The following FMN2 variants were observed in gnomAD, a reference collection of about 807,000 sequenced individuals.
FMN2 encodes the protein formin-2.
FMN2 carries 51 observed loss-of-function variants against 142.3 expected under a neutral mutation model. The ratio of observed to expected loss-of-function variants is 0.36; its 90% confidence interval spans 0.29 to 0.45. The LOEUF (loss-of-function observed/expected upper bound fraction) is 0.45. FMN2 is among the 20% of genes least tolerant of loss of function. The pLI, the probability that FMN2 is intolerant of heterozygous loss-of-function variation, is 1.00. For synonymous variants in FMN2, 882 were observed against 869.8 expected, an observed-to-expected ratio of 1.01 and a Z score of -0.25; for missense variants, 1,936 against 2,122.8, an observed-to-expected ratio of 0.91 and a Z score of 1.73.
chr1:240,416,758 T>C (rs953104193), intron 15 of FMN2, among the ~76,000 whole-genome samples: 13 of 94,038 alleles, frequency 1.4e-4, no homozygotes, highest in African/African-American at 4.3e-4. Flanking sequence ...ATCTCTCTCT[T>C]CTTTTTTTTT....
At chr1:240,257,867 T>G in intron 6 of FMN2, 78 bp from the exon 7 acceptor site, 1 of 1,177,532 alleles carries the variant, frequency 8.5e-7, no homozygotes, top group Non-Finnish European at 1.3e-6. Context: ...TGTTCTTCAT[T>G]TAGGATTTTT....
chr1:240,472,799 G>T (rs1676853861), intron 17 of FMN2, among the ~76,000 whole-genome samples: 1 of 151,964 alleles, frequency 6.6e-6, no homozygotes, highest in Non-Finnish European at 1.5e-5. Context: ...CAAACAATTA[G>T]CCGGGCATGG....
chr1:240,231,063 A>G (rs1667511404), intron 6 of FMN2, among the ~76,000 whole-genome samples: 1 of 131,912 alleles, frequency 7.6e-6, no homozygotes, highest in Non-Finnish European at 1.6e-5. Context: ...GTGATGCCAG[A>G]CTGACTTGGC....
chr1:240,112,549 C>T (rs1661854256), intron 1 of FMN2, among the ~76,000 whole-genome samples: 1 of 152,134 alleles, frequency 6.6e-6, no homozygotes, highest in Non-Finnish European at 1.5e-5. Context: ...AGAAAGAGCC[C>T]AAGAAACTTT....
At chr1:240,221,912 A>G (rs1667131192) in intron 6 of FMN2, among the ~76,000 whole-genome samples, 1 of 147,602 alleles carries the variant, frequency 6.8e-6, no homozygotes, top group African/African-American at 2.5e-5. Context: ...CAGTGGCGCA[A>G]TCTCAGCTCA....
chr1:240,257,850 C>G, intron 6 of FMN2, 95 bp from the exon 7 acceptor site: 1 of 1,017,954 alleles, frequency 9.8e-7, no homozygotes, highest in African/African-American at 1.6e-5. Context: ...GATCTTTTCT[C>G]TGAATTTGTT....
intron 1 of FMN2, among the ~76,000 whole-genome samples, chr1:240,100,024 T>C (rs990017517): frequency 6.6e-6 from 1 of 152,174 alleles, no homozygotes; most frequent in Non-Finnish European, 1.5e-5. Flanking sequence ...CATTCACCAT[T>C]TTTGGCAGTG....
rs186855573 is a variant in FMN2 at position 240,431,567 on chromosome 1, A to G, written c.4911-6494A>G. 2.0e-4 allele frequency among the ~76,000 whole-genome samples: 30 copies of G among 151,542 alleles called. No homozygotes were observed. The East Asian group carries it at 4.2e-3, about 21-fold the overall frequency. The stretch of plus-strand genomic sequence containing the variant: ...TTTATTTCTGAACTAAAAAGAAAAT[A>G]TCAAATACCATTGCGTATGTTAACT... On this transcript the variant is annotated intron_variant, in intron 15 of 17. Transcript: ENST00000319653.
chr1:240,471,365 CTTT>C (rs201223518), intron 16 of FMN2, among the ~76,000 whole-genome samples: 1 of 143,208 alleles, frequency 7.0e-6, no homozygotes. Flanking sequence ...TGTAAATTTT[CTTT>C]TTTTTTTTTT....
intron 1 of FMN2, among the ~76,000 whole-genome samples, chr1:240,102,885 G>T (rs1402601092): frequency 6.9e-6 from 1 of 145,548 alleles, no homozygotes; most frequent in African/African-American, 2.5e-5. Flanking sequence ...TTTTTTTTGA[G>T]ACAGGGTCTC....
chr1:240,168,697 T>C (rs1664580661), intron 2 of FMN2, among the ~76,000 whole-genome samples: 1 of 151,986 alleles, frequency 6.6e-6, no homozygotes, highest in Admixed American at 6.6e-5. Context: ...AAAAAAGATA[T>C]AGTAAGAAAA....
chr1:240,298,881 C>G (rs888296379), intron 8 of FMN2, among the ~76,000 whole-genome samples: 5 of 152,098 alleles, frequency 3.3e-5, no homozygotes, highest in Admixed American at 6.5e-5. Context: ...GAATTTTCCA[C>G]TTTTTGCTTT....
chr1:240,330,590 T>C lies in FMN2; in HGVS notation c.4438-13T>C, dbSNP rs1466205535. ...AGATAAAAGTTGTTTTTTGTTGTTA[T>C]TCTGTTTTACAGACATTAAAAAATG... is the stretch of plus-strand genomic sequence containing the variant. On this transcript the variant is annotated splice_polypyrimidine_tract_variant and intron_variant, in intron 10 of 17. Transcript: ENST00000319653. The C allele has an allele frequency of 2.5e-6, 4 of 1,604,888 alleles. No individual in the cohort carries two copies. The highest frequency in any genetic ancestry group is 3.5e-5 in the Admixed American group (2 of 56,974).
intron 16 of FMN2, chr1:240,458,995 T>G (rs1157703518): frequency 6.6e-6 from 1 of 152,152 alleles, no homozygotes; most frequent in Non-Finnish European, 1.5e-5. Flanking sequence ...TACTACAAGA[T>G]GCAGAAAAAA....
At chr1:240,097,532 T>C (rs954082028) in intron 1 of FMN2, among the ~76,000 whole-genome samples, 22 of 152,208 alleles carry the variant, frequency 1.4e-4, no homozygotes, top group African/African-American at 5.3e-4. Flanking sequence ...ATTTTTTGTA[T>C]TTTTAGTACA....
intron 14 of FMN2, among the ~76,000 whole-genome samples, chr1:240,359,050 G>A (rs1056535078): frequency 6.6e-6 from 1 of 152,022 alleles, no homozygotes; most frequent in African/African-American, 2.4e-5. Context: ...ACTTGCACCC[G>A]GGAGGCAGAG....
chr1:240,221,848 AC>A (rs1667127463), intron 6 of FMN2, among the ~76,000 whole-genome samples: 2 of 75,582 alleles, frequency 2.6e-5, no homozygotes, highest in African/African-American at 5.6e-5. Context: ...TCTTCTAGGG[AC>A]TTTTTTTTTT....
rs192306421 is a variant in FMN2 at position 240,301,771 on chromosome 1, T to C, written c.4215+6888T>C. 7.9e-3 allele frequency among the ~76,000 whole-genome samples: 1,195 copies of C among 152,136 alleles called. 56 individuals carry two copies. Among genetic ancestry groups the C allele is most frequent in the Admixed American group, 0.069 (1,060 of 15,274 alleles). ...ATTAATACATAAATTGTCATTTTTT[T>C]CCCCTTCTACTGCCTTTAGGTTTTT... On this transcript the variant is annotated intron_variant, in intron 8 of 17. Transcript: ENST00000319653.
At chr1:240,308,860 G>T (rs938635650) in intron 8 of FMN2, among the ~76,000 whole-genome samples, 3 of 152,144 alleles carry the variant, frequency 2.0e-5, no homozygotes, top group East Asian at 1.9e-4. Context: ...ACAATTTTTG[G>T]CCTGGGCAAT....
Sources: gnomAD v4.1 joint callset for allele counts (sites outside exome capture counted in the v4.1 genomes callset) on GRCh38, gnomAD v4.1.1 for gene constraint, MANE v1.5 for transcripts, NCBI Gene and HGNC (gene_info 2026-07-23, HGNC 2026-07-21) for gene names.